The following GRID1 variants were observed in gnomAD, a reference collection of about 807,000 sequenced individuals.
GRID1 encodes glutamate ionotropic receptor delta type subunit 1.
A neutral mutation model predicts 98.0 loss-of-function variants in GRID1; 28 were observed. The observed-to-expected ratio is 0.29, with a 90% CI of 0.21 to 0.39. The LOEUF (loss-of-function observed/expected upper bound fraction) is 0.39. GRID1 is among the 10% of genes least tolerant of loss of function. The pLI is 1.00. For missense variants in GRID1, 1,111 were observed against 1,340.5 expected (o/e 0.83, Z 2.67); for synonymous variants, 553 against 538.5 (o/e 1.03, Z -0.37).
chr10:85,623,722 G>A (rs895102708), intron 13 of GRID1, among the ~76,000 whole-genome samples: 1 of 152,142 alleles, frequency 6.6e-6, no homozygotes, highest in Admixed American at 6.5e-5. Context: ...CTAGCCTCTA[G>A]TTCTATCAGG....
At chr10:86,015,173 A>T (rs534382904) in intron 4 of GRID1, among the ~76,000 whole-genome samples, 1 of 152,350 alleles carries the variant, frequency 6.6e-6, no homozygotes, top group South Asian at 2.1e-4. Flanking sequence ...AGAGAATTTT[A>T]TATTTGGTTC....
At chr10:85,982,971 A>G (rs113050103) in intron 4 of GRID1, among the ~76,000 whole-genome samples, 5 of 152,298 alleles carry the variant, frequency 3.3e-5, no homozygotes, top group African/African-American at 9.6e-5. Flanking sequence ...CTCCCTAAAA[A>G]CACTTTAGAA....
At chr10:86,316,170 C>T (rs1847895735) in intron 2 of GRID1, among the ~76,000 whole-genome samples, 3 of 152,236 alleles carry the variant, frequency 2.0e-5, no homozygotes, top group Admixed American at 2.0e-4. Context: ...ACTCGACCAA[C>T]ACTCCCCATG....
chr10:85,744,523 G>C (rs962344472), intron 8 of GRID1, among the ~76,000 whole-genome samples: 8 of 143,788 alleles, frequency 5.6e-5, no homozygotes, highest in Admixed American at 4.2e-4. Context: ...GCCATATGTA[G>C]AAAGCTGAAA....
intron 3 of GRID1, among the ~76,000 whole-genome samples, chr10:86,153,459 TAA>T (rs1845198632): frequency 6.6e-6 from 1 of 152,280 alleles, no homozygotes; most frequent in South Asian, 2.1e-4. Context: ...CATCATTCCC[TAA>T]TTATTTTGCT....
At chr10:86,355,448 G>GCCACATGTC (rs1046363422) in intron 2 of GRID1, among the ~76,000 whole-genome samples, 38 of 152,224 alleles carry the variant, frequency 2.5e-4, no homozygotes, top group African/African-American at 4.8e-5. Context: ...GGCCATCAGG[G>GCCACATGTC]CCACATGTCC....
At chr10:86,207,634 T>TC (rs1440804675) in intron 2 of GRID1, among the ~76,000 whole-genome samples, 5 of 139,992 alleles carry the variant, frequency 3.6e-5, no homozygotes, top group Non-Finnish European at 6.4e-5. Flanking sequence ...GTTTCTTTTT[T>TC]TTTTTTTTTT....
chr10:86,080,400 AGGG>A, intron 4 of GRID1, among the ~76,000 whole-genome samples: 1 of 27,090 alleles, frequency 3.7e-5, no homozygotes, highest in Non-Finnish European at 7.9e-5. Flanking sequence ...AGGGAAGGGA[AGGG>A]AAGGGAAGGG....
chr10:85,735,333 A>C (rs1841868245), intron 8 of GRID1, among the ~76,000 whole-genome samples: 1 of 152,174 alleles, frequency 6.6e-6, no homozygotes, highest in Non-Finnish European at 1.5e-5. Flanking sequence ...GCTCTACCCA[A>C]ACCAGAAATG....
At chr10:85,904,248 GA>G (rs934672442) in intron 5 of GRID1, among the ~76,000 whole-genome samples, 3 of 152,150 alleles carry the variant, frequency 2.0e-5, no homozygotes, top group African/African-American at 4.8e-5. Flanking sequence ...AAAAACCTAT[GA>G]AAAAATAGTT....
chr10:85,753,850 T>C (rs1307092981), intron 8 of GRID1, among the ~76,000 whole-genome samples: 1 of 152,136 alleles, frequency 6.6e-6, no homozygotes, highest in African/African-American at 2.4e-5. Flanking sequence ...TCCGGAAGGA[T>C]TGCAAGGTGA....
chr10:85,669,289 C>T (rs1841058770), intron 12 of GRID1, among the ~76,000 whole-genome samples: 1 of 152,182 alleles, frequency 6.6e-6, no homozygotes, highest in Non-Finnish European at 1.5e-5. Flanking sequence ...CCCCCATGAG[C>T]CAGGCAATGT....
chr10:85,895,016 A>AAAAAATAT (rs766551035), intron 5 of GRID1, among the ~76,000 whole-genome samples: 1 of 97,108 alleles, frequency 1.0e-5, no homozygotes, highest in Non-Finnish European at 2.1e-5. Context: ...AAAAAAAAAA[A>AAAAAATAT]ATATATATAT....
chr10:86,151,739 G>A (rs1845172216), intron 3 of GRID1, among the ~76,000 whole-genome samples: 1 of 152,196 alleles, frequency 6.6e-6, no homozygotes. Flanking sequence ...ACCTGTCTGA[G>A]GGCCACCCAG....
chr10:86,088,562 A>G (rs974790700), intron 4 of GRID1, among the ~76,000 whole-genome samples: 6 of 152,154 alleles, frequency 3.9e-5, no homozygotes, highest in African/African-American at 1.4e-4. Flanking sequence ...TCCAGGGCAA[A>G]TTAGAGATTG....
At chr10:86,061,789 C>G (rs976459003) in intron 4 of GRID1, among the ~76,000 whole-genome samples, 1 of 152,208 alleles carries the variant, frequency 6.6e-6, no homozygotes, top group Non-Finnish European at 1.5e-5. Flanking sequence ...AGGCCAGATT[C>G]ACCTCTCTAT....
At chr10:85,647,880 T>A (rs1843216551) in intron 12 of GRID1, 1 of 154,944 alleles carries the variant, frequency 6.5e-6, no homozygotes, top group Non-Finnish European at 1.4e-5. Context: ...CCTGTGACAC[T>A]CAGAGACAGC....
At chr10:86,189,552 T>C (rs960532481) in intron 3 of GRID1, among the ~76,000 whole-genome samples, 23 of 151,940 alleles carry the variant, frequency 1.5e-4, no homozygotes, top group African/African-American at 5.3e-4. Context: ...TTCCACTCTA[T>C]TCCACAAACT....
intron 8 of GRID1, among the ~76,000 whole-genome samples, chr10:85,808,466 T>C (rs983063482): frequency 5.9e-5 from 9 of 152,180 alleles, no homozygotes; most frequent in African/African-American, 2.2e-4. Flanking sequence ...TCTAAGATGA[T>C]GTCACTGACC....
Sources: allele counts gnomAD v4.1 joint callset (sites outside exome capture counted in the v4.1 genomes callset), GRCh38; gene constraint gnomAD v4.1.1; transcripts MANE v1.5; gene names NCBI Gene and HGNC (gene_info 2026-07-23, HGNC 2026-07-21).